Variants in ANKRD36 observed in about 807,000 individuals in gnomAD.
ANKRD36 encodes ankyrin repeat domain-containing protein 36A.
A neutral mutation model predicts 278.1 loss-of-function variants in ANKRD36; 179 were observed. The ratio of observed to expected loss-of-function variants is 0.64; its 90% CI spans 0.57 to 0.73. ANKRD36 has a LOEUF of 0.73. Among genes scored for constraint, ANKRD36 ranks in the 30% least tolerant of loss-of-function variants. The pLI is 0.00. For synonymous variants in ANKRD36, 320 were observed against 641.1 expected, an observed-to-expected ratio of 0.50 and a Z score of 7.57; for missense variants, 1,159 against 1,956.7, an observed-to-expected ratio of 0.59 and a Z score of 7.69.
intron 22 of ANKRD36, among the ~76,000 whole-genome samples, chr2:97,173,517 A>C (rs934322264): frequency 6.6e-5 from 10 of 151,866 alleles, no homozygotes; most frequent in African/African-American, 1.9e-4. Context: ...TTAACATTTT[A>C]ATAAAGCAAA....
chr2:97,199,307 A>T (rs115661023), intron 44 of ANKRD36, among the ~76,000 whole-genome samples: 6,828 of 150,664 alleles, frequency 0.045, 6 homozygotes, highest in African/African-American at 0.12. Context: ...CTGACCCCTT[A>T]CTCTTCTTGT....
At chr2:97,159,299 A>G (rs970938383) in intron 17 of ANKRD36, among the ~76,000 whole-genome samples, 15 of 152,152 alleles carry the variant, frequency 9.9e-5, no homozygotes, top group East Asian at 3.9e-4. Context: ...GCCAGGAGAG[A>G]ATAACTTCAA....
intron 6 of ANKRD36, among the ~76,000 whole-genome samples, chr2:97,132,639 C>A (rs2040460678): frequency 1.3e-5 from 2 of 152,048 alleles, no homozygotes; most frequent in African/African-American, 4.8e-5. Context: ...GCCATTATGT[C>A]AGAGTTTCCC....
At chr2:97,200,126 A>T (rs982958002) in intron 44 of ANKRD36, among the ~76,000 whole-genome samples, 1 of 151,858 alleles carries the variant, frequency 6.6e-6, no homozygotes, top group African/African-American at 2.4e-5. Flanking sequence ...ACCATGTTTG[A>T]AATCGTAAGG....
chr2:97,180,439 T>C (rs1214258658), intron 24 of ANKRD36, among the ~76,000 whole-genome samples: 1 of 151,470 alleles, frequency 6.6e-6, no homozygotes, highest in Non-Finnish European at 1.5e-5. Context: ...ATTTATGTAA[T>C]TTTGGGGTTT....
chr2:97,132,095 T>G (rs1232112419), intron 6 of ANKRD36, among the ~76,000 whole-genome samples: 1 of 151,698 alleles, frequency 6.6e-6, no homozygotes, highest in Non-Finnish European at 1.5e-5. Context: ...CCAAAGTGTT[T>G]GGATTACAGG....
intron 68 of ANKRD36, among the ~76,000 whole-genome samples, chr2:97,240,612 ACT>A (rs1430260755): frequency 1.0e-5 from 1 of 96,448 alleles, no homozygotes. Context: ...CTCCGTCAAA[ACT>A]CTGTCAAAAG....
intron 56 of ANKRD36, 108 bp downstream of exon 56, chr2:97,209,980 G>C: frequency 1.4e-6 from 2 of 1,435,406 alleles, no homozygotes; most frequent in East Asian, 5.2e-5. Flanking sequence ...TTCTGATTCA[G>C]CAGTCCTGAG....
At chr2:97,125,270 T>A (rs1360786464) in intron 5 of ANKRD36, among the ~76,000 whole-genome samples, 1 of 150,642 alleles carries the variant, frequency 6.6e-6, no homozygotes, top group African/African-American at 2.5e-5. Flanking sequence ...AAGTTACAAC[T>A]GGTTTTTTTT....
At chr2:97,261,012 G>A (rs576181895) in intron 75 of ANKRD36, among the ~76,000 whole-genome samples, 28 of 128,812 alleles carry the variant, frequency 2.2e-4, no homozygotes, top group African/African-American at 8.3e-4. Context: ...TTGGCTTAGC[G>A]AAATGTTGTG....
intron 38 of ANKRD36, 57 bp from the exon 39 acceptor site, chr2:97,194,669 A>G (rs1486784655): frequency 1.2e-5 from 19 of 1,596,010 alleles, no homozygotes; most frequent in Non-Finnish European, 1.4e-5. Flanking sequence ...GTGTGAATGT[A>G]TGGATAACTT....
In ANKRD36 at chr2:97,113,847, C is replaced by T. The variant is rs184099891; in HGVS notation, c.108C>T (p.Ile36=). 1.2e-6 allele frequency: 2 copies of T among 1,613,172 alleles called. No individual in the cohort carries two copies. Among genetic ancestry groups the T allele is most frequent in the African/African-American group, 2.7e-5 (2 of 75,022 alleles). The change falls in exon 1 of 76, where the codon ATC becomes ATT. Residue 36 remains isoleucine (I), a synonymous_variant. Coordinates refer to ENST00000420699, the MANE Select transcript of ANKRD36 (RefSeq NM_001354587.1). ...TTAAACCGTATCATCTGAAGAGGAT[C>T]CACAGAGCTGTCTTACATGGTAATC... ...YPIKPYHLKR[I]HRAVLHGNLE...
At chr2:97,194,779 T>C (rs2153575417) in intron 39 of ANKRD36, 25 bp downstream of exon 39, 1 of 1,603,168 alleles carries the variant, frequency 6.2e-7, no homozygotes, top group East Asian at 2.3e-5. Context: ...ATTCATATTG[T>C]GAGCTAGTAA....
In ANKRD36 at chr2:97,217,377, T is replaced by C. The variant is rs1259985535; in HGVS notation, c.3775+5T>C. ...GCGGTTGGAAATCTGGAACAGGTAATTTAGCAATATACATTTAATGTCATG... is the reference window on the plus strand; with the variant it reads ...GCGGTTGGAAATCTGGAACAGGTAACTTAGCAATATACATTTAATGTCATG... On this transcript the variant is annotated splice_donor_5th_base_variant and intron_variant, in intron 64 of 75. Coordinates refer to ENST00000420699, the MANE Select transcript of ANKRD36 (RefSeq NM_001354587.1). 2 of 1,550,292 alleles carry C rather than the reference T, an allele frequency of 1.3e-6. No individual in the cohort carries two copies. The highest frequency in any genetic ancestry group is 2.4e-5 in the South Asian group (2 of 83,822).
intron 38 of ANKRD36, among the ~76,000 whole-genome samples, chr2:97,193,397 A>T (rs969895364): frequency 7.3e-6 from 1 of 137,020 alleles, no homozygotes; most frequent in Non-Finnish European, 1.6e-5. Flanking sequence ...GAATTTACAC[A>T]CTTCAGCTCG....
intron 40 of ANKRD36, among the ~76,000 whole-genome samples, chr2:97,195,439 A>G (rs181619503): frequency 6.6e-6 from 1 of 152,094 alleles, no homozygotes; most frequent in East Asian, 1.9e-4. Context: ...CTGCTGAGGA[A>G]ACCTGAGTGA....
chr2:97,217,640 C>T (rs1260452227), intron 64 of ANKRD36, among the ~76,000 whole-genome samples: 3 of 151,994 alleles, frequency 2.0e-5, no homozygotes, highest in East Asian at 2.0e-4. Flanking sequence ...TAAGAGGATC[C>T]GGGGACAGCA....
chr2:97,132,728 G>GA (rs1314103360), intron 6 of ANKRD36, among the ~76,000 whole-genome samples: 1 of 152,028 alleles, frequency 6.6e-6, no homozygotes, highest in Non-Finnish European at 1.5e-5. Context: ...TTGTTACAGT[G>GA]AAAGAATACA....
intron 66 of ANKRD36, among the ~76,000 whole-genome samples, chr2:97,223,721 C>T (rs1322788997): frequency 8.6e-6 from 1 of 116,308 alleles, no homozygotes; most frequent in Non-Finnish European, 1.7e-5. Context: ...TGAAGTATTG[C>T]ATTAAAGATA....
Sources: allele counts gnomAD v4.1 joint callset (sites outside exome capture counted in the v4.1 genomes callset), GRCh38; gene constraint gnomAD v4.1.1; transcripts MANE v1.5; gene names NCBI Gene and HGNC (gene_info 2026-07-23, HGNC 2026-07-21).